The following KIAA0319 variants were observed in gnomAD, a reference collection of about 807,000 sequenced individuals.
The protein encoded by KIAA0319 is dyslexia-associated protein KIAA0319.
Under a neutral mutation model 108.4 loss-of-function variants are expected in KIAA0319, and 83 were observed. The ratio of observed to expected loss-of-function variants is 0.77; its 90% CI spans 0.64 to 0.92. The LOEUF is 0.92. Among genes scored for constraint, KIAA0319 ranks in the 40% least tolerant of loss-of-function variants. The pLI is 0.00. For missense variants in KIAA0319, 1,195 were observed against 1,322.4 expected, an observed-to-expected ratio of 0.90 and a Z score of 1.49; for synonymous variants, 484 against 510.4, an observed-to-expected ratio of 0.95 and a Z score of 0.70.
chr6:24,634,446 C>G (rs374726585), intron 1 of KIAA0319, among the ~76,000 whole-genome samples: 3 of 152,048 alleles, frequency 2.0e-5, no homozygotes, highest in African/African-American at 7.2e-5. Context: ...CTATCAAAAC[C>G]AGAGAAAGAG....
chr6:24,595,408 A>T (rs1488586088), intron 3 of KIAA0319, among the ~76,000 whole-genome samples: 5 of 151,990 alleles, frequency 3.3e-5, no homozygotes, highest in Non-Finnish European at 7.4e-5. Flanking sequence ...TTAGCTGGGC[A>T]TGGTGATGGG....
intron 1 of KIAA0319, among the ~76,000 whole-genome samples, chr6:24,630,508 CAA>C (rs66787757): frequency 0.016 from 1,641 of 104,238 alleles, 8 homozygotes; most frequent in African/African-American, 0.053. Flanking sequence ...GATTCTGTCT[CAA>C]AAAAAAAAAA....
At chr6:24,582,126 A>G in intron 6 of KIAA0319, 123 bp downstream of exon 6, 1 of 606,250 alleles carries the variant, frequency 1.6e-6, no homozygotes, top group Non-Finnish European at 3.1e-6. Context: ...AGCCTGGGCA[A>G]CAGAGCAAGA....
At chr6:24,541,795 C>T (rs1052277345), downstream of KIAA0319, among the ~76,000 whole-genome samples, 5 of 152,034 alleles carry the variant, frequency 3.3e-5, no homozygotes, top group Non-Finnish European at 7.4e-5. Context: ...GAGACTCCAT[C>T]TCAAAAATAA....
At chr6:24,596,830 T>C (rs1196663939) in intron 2 of KIAA0319, among the ~76,000 whole-genome samples, 1 of 151,946 alleles carries the variant, frequency 6.6e-6, no homozygotes, top group Non-Finnish European at 1.5e-5. Context: ...TCATTCATCT[T>C]CCATCTACTC....
intron 7 of KIAA0319, 44 bp from the exon 8 acceptor site, chr6:24,579,994 G>A (rs745450315): frequency 2.9e-6 from 4 of 1,394,462 alleles, no homozygotes; most frequent in Non-Finnish European, 3.0e-6. Context: ...TCTTGTGTAG[G>A]CATATGTCAT....
rs560298185 is a variant in KIAA0319, at chr6:24,596,455, G to A, written c.219C>T (p.Phe73=). ...DLSSCDLAWW[F]EGRCYLVSCP... ...AGCTCACCAGGTAGCAGCGGCCCTC[G>A]AACCACCAGGCCAGGTCACAGCTGG... Residue 73 remains phenylalanine (F), a synonymous_variant, in exon 3 of 21, where the codon TTC becomes TTT. Transcript: ENST00000378214. 15 of 1,614,166 alleles carry A rather than the reference G, an allele frequency of 9.3e-6. No homozygotes were observed. The highest frequency in any genetic ancestry group is 8.3e-5 in the Admixed American group (5 of 60,020).
chr6:24,598,488 G>A (rs1160451957), intron 2 of KIAA0319: 3 of 482,512 alleles, frequency 6.2e-6, no homozygotes, highest in Non-Finnish European at 1.2e-5. Context: ...AGCTGGACAT[G>A]CTGGGCCAGG....
intron 3 of KIAA0319, among the ~76,000 whole-genome samples, chr6:24,592,863 T>G (rs543313652): frequency 6.6e-6 from 1 of 152,090 alleles, no homozygotes; most frequent in African/African-American, 2.4e-5. Flanking sequence ...CCCAGCTACC[T>G]TGTGGGGCTG....
intron 5 of KIAA0319, chr6:24,583,346 A>T (rs1158431485): frequency 1.5e-6 from 1 of 658,458 alleles, no homozygotes; most frequent in Non-Finnish European, 2.1e-6. Flanking sequence ...TCTGCTTTGC[A>T]TCATCAGAAA....
At chr6:24,629,146 A>T (rs1185995495) in intron 1 of KIAA0319, among the ~76,000 whole-genome samples, 1 of 152,164 alleles carries the variant, frequency 6.6e-6, no homozygotes, top group Non-Finnish European at 1.5e-5. Flanking sequence ...CCTTATAGTG[A>T]GACAAAATAA....
intron 20 of KIAA0319, among the ~76,000 whole-genome samples, chr6:24,548,672 C>T (rs1760992663): frequency 6.6e-6 from 1 of 151,956 alleles, no homozygotes; most frequent in South Asian, 2.1e-4. Flanking sequence ...CAGAAGCATC[C>T]GGGAATATTT....
At chr6:24,624,711 T>C (rs73727191) in intron 1 of KIAA0319, among the ~76,000 whole-genome samples, 15,784 of 152,224 alleles carry the variant, frequency 0.1, 1,049 homozygotes, top group South Asian at 0.28. Context: ...ATTACATTTC[T>C]CAACATCCCT....
Position 24,595,073 on chromosome 6 carries a change from G to A in KIAA0319, c.801+800C>T, listed in dbSNP as rs530265797. 5.9e-5 allele frequency among the ~76,000 whole-genome samples: 9 copies of A among 152,194 alleles called. No homozygotes were observed. The South Asian group carries it at 1.5e-3, about 25-fold the overall frequency. ...GCTTTTTCATGGAACGTTTTATGAC[G>A]CTTAAGTTCTCTCCTTCATAGCTCT... On this transcript the variant is annotated intron_variant, in intron 3 of 20. Transcript: ENST00000378214.
At chr6:24,611,548 A>G (rs901361267) in intron 1 of KIAA0319, among the ~76,000 whole-genome samples, 2 of 152,206 alleles carry the variant, frequency 1.3e-5, no homozygotes, top group African/African-American at 4.8e-5. Flanking sequence ...AATAAAATAT[A>G]TGGTTGTCTT....
chr6:24,596,029 G>T lies in KIAA0319; in HGVS notation c.645C>A (p.Leu215=). The change falls in exon 3 of 21, where the codon CTC becomes CTA. Residue 215 remains leucine (L), a synonymous_variant. Coordinates refer to ENST00000378214, the MANE Select transcript of KIAA0319 (RefSeq NM_014809.4). ...VPAETQQDPE[L]HYLNESASTP... ...TTGAAGCCGACTCATTCAGGTAATG[G>T]AGCTCAGGGTCCTGCTGCGTCTCCG... 1 of 1,614,164 alleles carries T rather than the reference G, an allele frequency of 6.2e-7. No individual in the cohort carries two copies.
At chr6:24,572,032 G>T (rs1050457129) in intron 11 of KIAA0319, among the ~76,000 whole-genome samples, 1 of 152,240 alleles carries the variant, frequency 6.6e-6, no homozygotes, top group Non-Finnish European at 1.5e-5. Context: ...AAATAAATAA[G>T]TTGTCTATAG....
At chr6:24,558,295 G>T (rs951781083) in intron 17 of KIAA0319, among the ~76,000 whole-genome samples, 3 of 151,260 alleles carry the variant, frequency 2.0e-5, no homozygotes, top group Non-Finnish European at 4.4e-5. Context: ...AAAGAAAAAA[G>T]GAGTTATTAA....
At chr6:24,583,575 G>C in intron 5 of KIAA0319, 29 bp downstream of exon 5, 1 of 1,473,548 alleles carries the variant, frequency 6.8e-7, no homozygotes, top group Non-Finnish European at 9.5e-7. Context: ...CCAGTTCCTA[G>C]TGGTCAGGGA....
Sources: gnomAD v4.1 joint callset for allele counts (sites outside exome capture counted in the v4.1 genomes callset) on GRCh38, gnomAD v4.1.1 for gene constraint, MANE v1.5 for transcripts, NCBI Gene and HGNC (gene_info 2026-07-23, HGNC 2026-07-21) for gene names.